The following CLSTN2 variants were observed in gnomAD, a reference collection of about 807,000 sequenced individuals.
CLSTN2 encodes the protein calsyntenin 2, also known as calsyntenin-2.
A neutral mutation model predicts 101.2 loss-of-function variants in CLSTN2; 48 were observed. The observed-to-expected ratio is 0.47, with a 90% CI of 0.38 to 0.60. The LOEUF (loss-of-function observed/expected upper bound fraction) is 0.60, where lower values mean the gene tolerates loss of function less well. Among genes scored for constraint, CLSTN2 ranks in the 20% least tolerant of loss-of-function variants. The pLI is 0.00. For missense variants in CLSTN2, 1,160 were observed against 1,238.2 expected, an observed-to-expected ratio of 0.94 and a Z score of 0.95; for synonymous variants, 481 against 463.6, an observed-to-expected ratio of 1.04 and a Z score of -0.48.
chr3:140,069,243 G>A (rs564844673), intron 1 of CLSTN2, among the ~76,000 whole-genome samples: 1 of 152,320 alleles, frequency 6.6e-6, no homozygotes, highest in Non-Finnish European at 1.5e-5. Context: ...AGCAAAACAA[G>A]TCTCTCACCT....
chr3:140,292,965 G>C (rs1416274589), intron 2 of CLSTN2, among the ~76,000 whole-genome samples: 1 of 152,216 alleles, frequency 6.6e-6, no homozygotes, highest in African/African-American at 2.4e-5. Flanking sequence ...TGCCCAGGCA[G>C]TTAGTAAACT....
At chr3:140,312,699 T>C (rs2087182766) in intron 2 of CLSTN2, among the ~76,000 whole-genome samples, 1 of 152,230 alleles carries the variant, frequency 6.6e-6, no homozygotes, top group Non-Finnish European at 1.5e-5. Flanking sequence ...AAGTGAACTC[T>C]GTAAAACCAC....
At chr3:140,120,959 T>A (rs1372954318) in intron 1 of CLSTN2, among the ~76,000 whole-genome samples, 1 of 152,232 alleles carries the variant, frequency 6.6e-6, no homozygotes, top group Non-Finnish European at 1.5e-5. Flanking sequence ...TTTGGAATCA[T>A]CTACTAGTGT....
intron 8 of CLSTN2, among the ~76,000 whole-genome samples, chr3:140,467,132 A>G (rs1018209382): frequency 6.6e-6 from 1 of 152,182 alleles, no homozygotes; most frequent in African/African-American, 2.4e-5. Context: ...CACAAGGTTG[A>G]GGACAGGGAC....
chr3:140,059,236 C>T (rs1175052197), intron 1 of CLSTN2, among the ~76,000 whole-genome samples: 1 of 152,234 alleles, frequency 6.6e-6, no homozygotes, highest in Non-Finnish European at 1.5e-5. Context: ...CAAAAACTAC[C>T]TGGAACCACC....
At chr3:140,435,069 A>G (rs1275218048) in intron 5 of CLSTN2, among the ~76,000 whole-genome samples, 2 of 152,200 alleles carry the variant, frequency 1.3e-5, no homozygotes, top group African/African-American at 2.4e-5. Flanking sequence ...GTTTCAGTCA[A>G]TCAAATTGTA....
chr3:139,950,518 T>A (rs1432909784), intron 1 of CLSTN2, among the ~76,000 whole-genome samples: 1 of 152,210 alleles, frequency 6.6e-6, no homozygotes, highest in East Asian at 1.9e-4. Context: ...TCCCTTTAGA[T>A]ATCAAGGCTT....
chr3:140,045,889 G>A (rs1012015854), intron 1 of CLSTN2, among the ~76,000 whole-genome samples: 4 of 152,182 alleles, frequency 2.6e-5, no homozygotes, highest in African/African-American at 9.7e-5. Context: ...GAGACAGTTT[G>A]TTATAATTTC....
At chr3:140,400,266 A>G (rs1363439216) in intron 2 of CLSTN2, among the ~76,000 whole-genome samples, 1 of 152,204 alleles carries the variant, frequency 6.6e-6, no homozygotes, top group Non-Finnish European at 1.5e-5. Flanking sequence ...TGTTGGGTCC[A>G]TGGGAATTCT....
At chr3:140,535,291 G>A (rs1342504501) in intron 9 of CLSTN2, among the ~76,000 whole-genome samples, 1 of 152,158 alleles carries the variant, frequency 6.6e-6, no homozygotes, top group Non-Finnish European at 1.5e-5. Flanking sequence ...CTTAGGGTGG[G>A]AAATATTATT....
intron 8 of CLSTN2, among the ~76,000 whole-genome samples, chr3:140,491,372 G>A (rs1934349671): frequency 6.6e-6 from 1 of 152,152 alleles, no homozygotes; most frequent in Non-Finnish European, 1.5e-5. Context: ...TTTAATTTGA[G>A]GGATATTGAT....
chr3:140,225,918 A>T (rs13314040), intron 2 of CLSTN2, among the ~76,000 whole-genome samples: 78,271 of 141,736 alleles, frequency 0.55, 20,778 homozygotes, highest in East Asian at 0.81. Flanking sequence ...GATTTTTTTT[A>T]AAAAAAAAAG....
chr3:140,532,155 T>G (rs1030865210), intron 8 of CLSTN2, among the ~76,000 whole-genome samples, 169 bp from the exon 9 acceptor site: 1 of 152,256 alleles, frequency 6.6e-6, no homozygotes, highest in Non-Finnish European at 1.5e-5. Flanking sequence ...TCATGTTTGA[T>G]GACAAGCTTC....
Position 139,936,936 on chromosome 3 carries a change from G to A in CLSTN2, c.109+1453G>A, listed in dbSNP as rs897812791. 9.9e-5 allele frequency among the ~76,000 whole-genome samples: 15 copies of A among 152,180 alleles called. No homozygotes were observed. The East Asian group carries it at 1.5e-3, about 16-fold the overall frequency. On this transcript the variant is annotated intron_variant, in intron 1 of 16. Coordinates refer to ENST00000458420, the MANE Select transcript of CLSTN2 (RefSeq NM_022131.3). ...GAGAAATTTCATGAGAGAAAAACTC[G>A]TTATGAAAATATCTCAGAGTGCGGT...
At chr3:140,412,990 TAG>T (rs1485520596) in intron 4 of CLSTN2, among the ~76,000 whole-genome samples, 4 of 152,152 alleles carry the variant, frequency 2.6e-5, no homozygotes, top group Admixed American at 1.3e-4. Context: ...GTCAAGGAAC[TAG>T]AACAAGAACA....
intron 2 of CLSTN2, among the ~76,000 whole-genome samples, chr3:140,300,573 G>C (rs1193544591): frequency 6.6e-6 from 1 of 152,084 alleles, no homozygotes; most frequent in African/African-American, 2.4e-5. Flanking sequence ...TGGGGTCAGG[G>C]GCTCTGAGGT....
chr3:140,108,934 G>A (rs1316983991), intron 1 of CLSTN2, among the ~76,000 whole-genome samples: 1 of 152,174 alleles, frequency 6.6e-6, no homozygotes, highest in East Asian at 1.9e-4. Flanking sequence ...GAGGGGCAGA[G>A]AGCACCCTAT....
chr3:140,228,704 A>G (rs2086345207), intron 2 of CLSTN2, among the ~76,000 whole-genome samples: 1 of 152,210 alleles, frequency 6.6e-6, no homozygotes, highest in Non-Finnish European at 1.5e-5. Context: ...GGGGCCTCAC[A>G]ATCATGGCGG....
intron 1 of CLSTN2, among the ~76,000 whole-genome samples, chr3:140,067,939 G>A: frequency 6.6e-6 from 1 of 152,328 alleles, no homozygotes; most frequent in African/African-American, 2.4e-5. Context: ...CAGAAGTGTT[G>A]GTAGAATCTT....
Sources: allele counts gnomAD v4.1 joint callset (sites outside exome capture counted in the v4.1 genomes callset), GRCh38; gene constraint gnomAD v4.1.1; transcripts MANE v1.5; gene names NCBI Gene and HGNC (gene_info 2026-07-23, HGNC 2026-07-21).